SPCS2: variants seen among roughly 807,000 people sequenced by gnomAD.
SPCS2 encodes the protein signal peptidase complex subunit 2.
A neutral mutation model predicts 22.3 loss-of-function variants in SPCS2; 3 were observed. The ratio of observed to expected loss-of-function variants is 0.13; its 90% CI spans 0.06 to 0.35. SPCS2 has a LOEUF of 0.35. Ranked by LOEUF, SPCS2 falls within the 10% of genes least tolerant of loss-of-function variation. The probability of loss-of-function intolerance (pLI) is 1.00; values close to 1 mark genes in which losing one functional copy is unlikely to be tolerated. For synonymous variants in SPCS2, 67 were observed against 97.2 expected, an observed-to-expected ratio of 0.69 and a Z score of 1.83; for missense variants, 169 against 280.9, an observed-to-expected ratio of 0.60 and a Z score of 2.85.
intron 1 of SPCS2, among the ~76,000 whole-genome samples, chr11:74,950,584 T>G (rs1016160215): frequency 6.6e-6 from 1 of 152,204 alleles, no homozygotes; most frequent in African/African-American, 2.4e-5. Flanking sequence ...GGGGTCACGC[T>G]CCATTGCCCA....
intron 1 of SPCS2, among the ~76,000 whole-genome samples, chr11:74,949,975 C>T (rs983318692): frequency 1.3e-5 from 2 of 152,028 alleles, no homozygotes; most frequent in Admixed American, 1.3e-4. Context: ...CCCGCCCTCT[C>T]CTCTCTTCCC....
In SPCS2 at chr11:74,965,904, T is replaced by G. The variant is rs1332195875; in HGVS notation, c.340T>G (p.Leu114Val). The change falls in exon 3 of 5, where the codon TTG becomes GTG. Residue 114 changes from leucine (L) to valine (V), a missense_variant. Leu to Val is a conservative substitution (Grantham distance 32). Coordinates refer to ENST00000263672, the MANE Select transcript of SPCS2 (RefSeq NM_014752.3). ...MHPFPESKPV[L>V]ALCVISYFVM... ...CCCCTTTCCAGAGTCCAAACCCGTTTTGGCTTTGTGTGTCATATCATATCC... is the reference window on the plus strand; with the variant it reads ...CCCCTTTCCAGAGTCCAAACCCGTTGTGGCTTTGTGTGTCATATCATATCC... 1.2e-6 allele frequency: 2 copies of G among 1,610,810 alleles called. No individual in the cohort carries two copies. The highest frequency in any genetic ancestry group is 1.6e-4 in the Middle Eastern group (1 of 6,072).
chr11:74,952,583 C>T (rs1948453120), intron 1 of SPCS2, among the ~76,000 whole-genome samples: 1 of 152,078 alleles, frequency 6.6e-6, no homozygotes, highest in Non-Finnish European at 1.5e-5. Flanking sequence ...TCCCAAAGTA[C>T]TGGAATTACA....
At chr11:74,951,363 T>G (rs1476207614) in intron 1 of SPCS2, among the ~76,000 whole-genome samples, 4 of 152,110 alleles carry the variant, frequency 2.6e-5, no homozygotes, top group Admixed American at 2.6e-4. Flanking sequence ...AAATCAAGAA[T>G]CCTACTGTCA....
chr11:74,955,851 AAT>A (rs60855711), intron 1 of SPCS2, among the ~76,000 whole-genome samples: 1,460 of 55,482 alleles, frequency 0.026, 59 homozygotes, highest in East Asian at 0.041. Context: ...TACTAATTAA[AAT>A]ATATATATAT....
chr11:74,956,325 T>G (rs886253393), intron 1 of SPCS2, among the ~76,000 whole-genome samples: 1 of 152,178 alleles, frequency 6.6e-6, no homozygotes, highest in South Asian at 2.1e-4. Flanking sequence ...ACCGCCTACT[T>G]GTCATCTCCA....
intron 4 of SPCS2, among the ~76,000 whole-genome samples, chr11:74,976,552 G>A (rs1948615126): frequency 6.6e-6 from 1 of 152,206 alleles, no homozygotes; most frequent in Admixed American, 6.5e-5. Flanking sequence ...GTCTAGCATG[G>A]CAAATACGAA....
chr11:74,968,462 C>T (rs1364605895), intron 3 of SPCS2, among the ~76,000 whole-genome samples: 3 of 151,474 alleles, frequency 2.0e-5, no homozygotes, highest in South Asian at 2.1e-4. Context: ...GCTGGGATTA[C>T]GGGCCTGCAC....
At chr11:74,953,279 G>A (rs1190392931) in intron 1 of SPCS2, among the ~76,000 whole-genome samples, 2 of 149,976 alleles carry the variant, frequency 1.3e-5, no homozygotes, top group Non-Finnish European at 3.0e-5. Flanking sequence ...TGCAACCCCC[G>A]CCTCCCAGGT....
rs61038317 is a variant in SPCS2 at position 74,951,810 on chromosome 11, C to CAAAAA, written c.114+2426_114+2430dup. 7.4e-4 allele frequency among the ~76,000 whole-genome samples: 60 copies of CAAAAA among 81,384 alleles called. 1 individual carries two copies. The highest frequency in any genetic ancestry group is 2.1e-3 in the African/African-American group (46 of 22,210). The allele number at this position is 81,384 out of a possible 152,430, so 53.4% of individuals were successfully genotyped here. A position where few individuals can be genotyped will look rare whatever the true frequency, so the allele number is the denominator to read the frequency against. On this transcript the variant is annotated intron_variant, in intron 1 of 4. Transcript: ENST00000263672. ...GGGCAACAAGAGGGAAACTCTGTCT[C>CAAAAA]AAAAAAAAAAAAAAAAAAAGAGTAA...
At chr11:74,963,932 AC>A (rs1326778755) in intron 1 of SPCS2, among the ~76,000 whole-genome samples, 3 of 152,168 alleles carry the variant, frequency 2.0e-5, no homozygotes, top group African/African-American at 7.2e-5. Context: ...TATTTGTAGC[AC>A]CCTGTTCCTC....
At chr11:74,972,570 C>T (rs77382176) in intron 4 of SPCS2, among the ~76,000 whole-genome samples, 3,182 of 152,196 alleles carry the variant, frequency 0.021, 128 homozygotes, top group African/African-American at 0.072. Flanking sequence ...CAGGGCCTGG[C>T]GTGGCATGTT....
intron 1 of SPCS2, among the ~76,000 whole-genome samples, chr11:74,963,194 T>C (rs1262022693): frequency 1.3e-5 from 2 of 152,232 alleles, no homozygotes; most frequent in Admixed American, 6.5e-5. Context: ...TAATTTCTTT[T>C]TGGTTCAGTT....
intron 1 of SPCS2, chr11:74,963,687 G>A (rs1217762957): frequency 2.5e-6 from 1 of 392,480 alleles, no homozygotes; most frequent in Non-Finnish European, 5.1e-6. Context: ...TGGGATGGCA[G>A]GTACTCACCA....
At position 74,951,741 on chromosome 11, in the gene SPCS2, T is replaced by A. The variant is rs1409225166; in HGVS notation, c.114+2342T>A. Reference sequence around the variant, plus strand: ...AGGAGAATCGCTTGAACCCGGGAGGTGGAGGTTGCAGTGAGCCGAGATCAC... The same window carrying A: ...AGGAGAATCGCTTGAACCCGGGAGGAGGAGGTTGCAGTGAGCCGAGATCAC... On this transcript the variant is annotated intron_variant, in intron 1 of 4. Coordinates refer to ENST00000263672, the MANE Select transcript of SPCS2 (RefSeq NM_014752.3). Among the ~76,000 whole-genome samples the A allele has an allele frequency of 1.0e-4, 13 of 127,620 alleles. No individual in the cohort carries two copies. The Admixed American group carries it at 1.1e-3, about 11-fold the overall frequency. 83.7% of individuals were successfully genotyped at this position (127,620 alleles called of 152,430 possible).
intron 1 of SPCS2, among the ~76,000 whole-genome samples, chr11:74,960,868 T>A (rs75828421): frequency 0.041 from 6,282 of 152,238 alleles, 439 homozygotes; most frequent in African/African-American, 0.14. Context: ...CAGGAAATGG[T>A]AGCTATGATT....
At chr11:74,975,490 C>A (rs1009286744) in intron 4 of SPCS2, among the ~76,000 whole-genome samples, 1 of 152,162 alleles carries the variant, frequency 6.6e-6, no homozygotes, top group African/African-American at 2.4e-5. Context: ...CAGTAAATAT[C>A]TGAATTAATG....
intron 1 of SPCS2, among the ~76,000 whole-genome samples, chr11:74,958,708 T>G (rs548451382): frequency 1.3e-5 from 2 of 152,300 alleles, no homozygotes; most frequent in East Asian, 3.9e-4. Context: ...CTAATTCTAG[T>G]AGGTGGTCAT....
At chr11:74,976,745 G>T (rs1349078624) in intron 4 of SPCS2, 112 bp from the exon 5 acceptor site, 10 of 1,354,136 alleles carry the variant, frequency 7.4e-6, no homozygotes, top group Admixed American at 2.0e-5. Flanking sequence ...TTTGTTCCCT[G>T]TATCACCGTG....
Sources: allele counts gnomAD v4.1 joint callset (sites outside exome capture counted in the v4.1 genomes callset), GRCh38; gene constraint gnomAD v4.1.1; transcripts MANE v1.5; gene names NCBI Gene and HGNC (gene_info 2026-07-23, HGNC 2026-07-21).